The following LRRIQ3 variants were observed in gnomAD, a reference collection of about 807,000 sequenced individuals.
LRRIQ3 encodes leucine rich repeats and IQ motif containing 3.
In LRRIQ3, 75 loss-of-function variants were observed where a neutral mutation model predicts 59.3. The observed-to-expected ratio is 1.26, with a 90% CI of 1.05 to 1.53. The LOEUF is 1.53. LRRIQ3 is among the 40% of genes most tolerant of loss of function. The probability of loss-of-function intolerance (pLI) is 0.00; values close to 1 mark genes in which losing one functional copy is unlikely to be tolerated. For missense variants in LRRIQ3, 831 were observed against 710.0 expected, an observed-to-expected ratio of 1.17 and a Z score of -1.94; for synonymous variants, 250 against 231.3, an observed-to-expected ratio of 1.08 and a Z score of -0.73.
chr1:74,156,436 G>C (rs1348474097), intron 3 of LRRIQ3, among the ~76,000 whole-genome samples: 1 of 152,064 alleles, frequency 6.6e-6, no homozygotes, highest in African/African-American at 2.4e-5. Context: ...TTTATTATTA[G>C]AGTAAAAGAA....
chr1:74,099,559 G>A (rs1055030344), intron 5 of LRRIQ3, among the ~76,000 whole-genome samples: 2 of 152,090 alleles, frequency 1.3e-5, no homozygotes, highest in African/African-American at 4.8e-5. Flanking sequence ...CATTTTATAA[G>A]GCCAGCATCA....
Position 74,026,905 on chromosome 1 carries a change from T to C in LRRIQ3, c.1783A>G (p.Lys595Glu). The change falls in exon 8 of 8, where the codon AAA becomes GAA. Residue 595 changes from lysine (K) to glutamate (E), a missense_variant. Coordinates refer to ENST00000354431, the MANE Select transcript of LRRIQ3 (RefSeq NM_001105659.2). ...GCATCTTGAAGTCTTTCACAGGCTT[T>C]TTCAAAGGCAATCATATCCATAACA... ...KFVMDMIAFEKACERLQDAKT... is the reference protein window; with the variant it reads ...KFVMDMIAFEEACERLQDAKT... The C allele has an allele frequency of 6.2e-7, 1 of 1,603,844 alleles. No individual in the cohort carries two copies. The highest frequency in any genetic ancestry group is 8.5e-7 in the Non-Finnish European group (1 of 1,173,602).
intron 3 of LRRIQ3, among the ~76,000 whole-genome samples, chr1:74,165,830 T>C (rs1648947761): frequency 6.6e-6 from 1 of 151,186 alleles, no homozygotes; most frequent in African/African-American, 2.4e-5. Flanking sequence ...TGAATTGGTA[T>C]GACATCTCTT....
At chr1:74,131,028 A>G (rs1399674739) in intron 4 of LRRIQ3, among the ~76,000 whole-genome samples, 1 of 152,134 alleles carries the variant, frequency 6.6e-6, no homozygotes, top group East Asian at 1.9e-4. Context: ...AAATAGACAC[A>G]ATAAAATATG....
At chr1:74,170,927 G>C (rs1649285113) in intron 3 of LRRIQ3, among the ~76,000 whole-genome samples, 1 of 151,836 alleles carries the variant, frequency 6.6e-6, no homozygotes, top group African/African-American at 2.4e-5. Context: ...ATTCTTTCTG[G>C]TGCTATTTTA....
Position 74,182,678 on chromosome 1 carries a change from C to A in LRRIQ3, c.433G>T (p.Val145Phe), listed in dbSNP as rs367655835. The A allele has an allele frequency of 4.3e-6, 7 of 1,612,472 alleles. No individual in the cohort carries two copies. The highest frequency in any genetic ancestry group is 1.7e-4 in the Middle Eastern group (1 of 6,052). Residue 145 changes from valine to phenylalanine, a missense_variant, in exon 3 of 8, where the codon GTT (valine) becomes TTT (phenylalanine). Physicochemically the swap from Val to Phe is conservative, Grantham distance 50. Coordinates refer to ENST00000354431, the MANE Select transcript of LRRIQ3 (RefSeq NM_001105659.2). ...SLKKGYRHVL[V>F]NSIWPLKALD... ...GCTTTGAGAGGCCATATACTGTTAA[C>A]AAGAACATGTCTATATCCTTTTTTA...
chr1:74,160,525 C>T (rs924139398), intron 3 of LRRIQ3, among the ~76,000 whole-genome samples: 8 of 152,026 alleles, frequency 5.3e-5, no homozygotes, highest in African/African-American at 1.9e-4. Context: ...ATTATTGCTT[C>T]TCCTTTATTT....
intron 4 of LRRIQ3, among the ~76,000 whole-genome samples, chr1:74,114,749 A>AT (rs1350580916): frequency 9.0e-4 from 135 of 149,956 alleles, no homozygotes; most frequent in Non-Finnish European, 1.4e-3. Context: ...AAAAAAAAAA[A>AT]ATGCACCAAG....
chr1:74,044,452 C>T (rs1249602551), intron 6 of LRRIQ3, among the ~76,000 whole-genome samples: 2 of 151,984 alleles, frequency 1.3e-5, no homozygotes, highest in African/African-American at 4.8e-5. Flanking sequence ...CCAGCTCCCA[C>T]ATCACCTTCT....
At chr1:74,095,052 T>C (rs917334764) in intron 5 of LRRIQ3, 3 of 152,100 alleles carry the variant, frequency 2.0e-5, no homozygotes, top group Admixed American at 1.3e-4. Context: ...GAGTGTTGCA[T>C]GGCAGCTTCT....
chr1:74,097,212 T>G (rs546914734), intron 5 of LRRIQ3, among the ~76,000 whole-genome samples: 2 of 152,234 alleles, frequency 1.3e-5, no homozygotes, highest in South Asian at 4.2e-4. Context: ...AGAGAAGTCC[T>G]TAAATGACCT....
At chr1:74,099,120 G>C (rs1376387606) in intron 5 of LRRIQ3, among the ~76,000 whole-genome samples, 3 of 151,944 alleles carry the variant, frequency 2.0e-5, no homozygotes, top group Non-Finnish European at 2.9e-5. Flanking sequence ...TTCAGGAGCT[G>C]GTTTTTTGAA....
intron 4 of LRRIQ3, among the ~76,000 whole-genome samples, chr1:74,138,863 A>C (rs942895725): frequency 6.6e-6 from 1 of 151,612 alleles, no homozygotes; most frequent in Non-Finnish European, 1.5e-5. Flanking sequence ...CTTCCTCTCC[A>C]ATACAGCCCC....
At chr1:74,142,850 T>A (rs1647321062) in intron 4 of LRRIQ3, among the ~76,000 whole-genome samples, 1 of 151,954 alleles carries the variant, frequency 6.6e-6, no homozygotes, top group Non-Finnish European at 1.5e-5. Context: ...GACCCACAGA[T>A]TATTGGAATG....
chr1:74,042,716 A>G (rs1654084458), intron 6 of LRRIQ3, among the ~76,000 whole-genome samples: 1 of 152,090 alleles, frequency 6.6e-6, no homozygotes, highest in Non-Finnish European at 1.5e-5. Context: ...AGCAGCCATC[A>G]ATCGTTTTTC....
chr1:74,169,711 G>C (rs1649205384), intron 3 of LRRIQ3, among the ~76,000 whole-genome samples: 1 of 151,826 alleles, frequency 6.6e-6, no homozygotes, highest in Non-Finnish European at 1.5e-5. Context: ...GCCACACCTG[G>C]TTAATTTCTT....
At chr1:74,144,460 TA>T in intron 4 of LRRIQ3, 1 of 332,402 alleles carries the variant, frequency 3.0e-6, no homozygotes. Flanking sequence ...TCTATCAACT[TA>T]AAAATTAGAA....
intron 6 of LRRIQ3, among the ~76,000 whole-genome samples, chr1:74,072,748 T>A (rs1655063198): frequency 6.6e-6 from 1 of 151,990 alleles, no homozygotes; most frequent in African/African-American, 2.4e-5. Context: ...TGAAAAAAAA[T>A]TTAATCCACA....
At chr1:74,069,102 C>A (rs1318609330) in intron 6 of LRRIQ3, among the ~76,000 whole-genome samples, 1 of 152,024 alleles carries the variant, frequency 6.6e-6, no homozygotes, top group Non-Finnish European at 1.5e-5. Context: ...AAACTTTTGA[C>A]CTTTTTGGCT....
Sources: allele counts gnomAD v4.1 joint callset (sites outside exome capture counted in the v4.1 genomes callset), GRCh38; gene constraint gnomAD v4.1.1; transcripts MANE v1.5; gene names NCBI Gene and HGNC (gene_info 2026-07-23, HGNC 2026-07-21).